PAH: variants seen among roughly 807,000 people sequenced by gnomAD.
The protein encoded by PAH is phenylalanine hydroxylase.
A neutral mutation model predicts 62.0 loss-of-function variants in PAH; 64 were observed. The ratio of observed to expected loss-of-function variants is 1.03; its 90% CI spans 0.84 to 1.27. PAH has a LOEUF of 1.27. PAH is among the 50% of genes most tolerant of loss of function. PAH has a pLI of 0.00. For synonymous variants in PAH, 195 were observed against 196.2 expected (o/e 0.99, Z 0.05); for missense variants, 579 against 542.8 (o/e 1.07, Z -0.66).
intron 4 of PAH, among the ~76,000 whole-genome samples, chr12:102,871,940 AAAAAAAAAAATATATATATAT>A (rs1433982864): frequency 6.9e-4 from 5 of 7,266 alleles, no homozygotes; most frequent in Admixed American, 2.2e-3. Flanking sequence ...AAAAAAAAAA[AAAAAAAAAAATATATATATAT>A]ATATATATAT....
chr12:102,865,758 G>A (rs190334390), intron 5 of PAH, among the ~76,000 whole-genome samples: 3 of 152,196 alleles, frequency 2.0e-5, no homozygotes, highest in East Asian at 1.9e-4. Flanking sequence ...CTCTTTTTCC[G>A]GAGGTTTTTC....
At chr12:102,927,158 C>A (rs1318438068) in intron 1 of PAH, among the ~76,000 whole-genome samples, 6 of 151,950 alleles carry the variant, frequency 3.9e-5, no homozygotes, top group Non-Finnish European at 7.4e-5. Flanking sequence ...CCAAAGTTAT[C>A]AGGGTATGCT....
intron 1 of PAH, among the ~76,000 whole-genome samples, chr12:102,942,412 A>G (rs1373499048): frequency 6.6e-6 from 1 of 152,198 alleles, no homozygotes; most frequent in African/African-American, 2.4e-5. Flanking sequence ...GCTGAAAGAA[A>G]TCAGACACAA....
At chr12:102,868,052 A>G (rs201838921) in intron 4 of PAH, among the ~76,000 whole-genome samples, 79 of 110,832 alleles carry the variant, frequency 7.1e-4, no homozygotes, top group Middle Eastern at 4.6e-3. Context: ...ATATATATGT[A>G]TATATATACA....
In PAH at chr12:102,837,329, A is replaced by T. The variant is rs1305077587; in HGVS notation, c.*1846T>A. ...ATTAAAACATCTTTACTGGACTAAA[A>T]CTCACTCTTCAATATTGTCAAAAAT... On this transcript the variant is annotated 3_prime_UTR_variant, in exon 13 of 13. Coordinates refer to ENST00000553106, the MANE Select transcript of PAH (RefSeq NM_000277.3). 1.3e-5 allele frequency: 2 copies of T among 152,200 alleles called. No individual in the cohort carries two copies. The highest frequency in any genetic ancestry group is 4.8e-5 in the African/African-American group (2 of 41,456). 9.4% of individuals were successfully genotyped at this position (152,200 alleles called of 1,614,324 possible).
At chr12:102,938,684 T>C (rs1879185687) in intron 1 of PAH, among the ~76,000 whole-genome samples, 1 of 152,236 alleles carries the variant, frequency 6.6e-6, no homozygotes, top group Non-Finnish European at 1.5e-5. Flanking sequence ...TAGTTGCTGC[T>C]GCTTGCTGTC....
intron 3 of PAH, among the ~76,000 whole-genome samples, chr12:102,883,281 C>T (rs1379576778): frequency 6.6e-6 from 1 of 152,176 alleles, no homozygotes; most frequent in Non-Finnish European, 1.5e-5. Flanking sequence ...AATGCACAGC[C>T]TCATTTTCCT....
At chr12:102,928,409 G>A (rs1046297086) in intron 1 of PAH, among the ~76,000 whole-genome samples, 1 of 152,106 alleles carries the variant, frequency 6.6e-6, no homozygotes, top group Non-Finnish European at 1.5e-5. Flanking sequence ...AGATATTGTA[G>A]TCTTCTGGGA....
At position 102,899,585 on chromosome 12, in the gene PAH, C is replaced by T. The variant is rs539199634; in HGVS notation, c.169-4667G>A. Among the ~76,000 whole-genome samples the T allele has an allele frequency of 2.6e-5, 4 of 152,066 alleles. No individual in the cohort carries two copies. The South Asian group carries it at 8.3e-4, about 32-fold the overall frequency. On this transcript the variant is annotated intron_variant, in intron 2 of 12. Coordinates refer to ENST00000553106, the MANE Select transcript of PAH (RefSeq NM_000277.3). ...CATTAAAAAGTGAGTAACGGCCGGG[C>T]GCGGTGGCTCACGCCTGTAATCCCA...
chr12:102,845,566 A>C (rs1874800758), intron 9 of PAH, among the ~76,000 whole-genome samples: 1 of 152,236 alleles, frequency 6.6e-6, no homozygotes, highest in Non-Finnish European at 1.5e-5. Flanking sequence ...GTTGGCCTGA[A>C]AAAAAGAATA....
intron 3 of PAH, among the ~76,000 whole-genome samples, chr12:102,891,192 C>T (rs570967329): frequency 1.3e-5 from 2 of 152,314 alleles, no homozygotes; most frequent in African/African-American, 4.8e-5. Context: ...TGTCACAGCA[C>T]CTGTCCCTCT....
At chr12:102,897,492 T>TATATAA (rs1379613102) in intron 2 of PAH, among the ~76,000 whole-genome samples, 103 of 137,456 alleles carry the variant, frequency 7.5e-4, no homozygotes, top group African/African-American at 3.0e-3. Flanking sequence ...TATATATATA[T>TATATAA]AATTCAAACT....
chr12:102,879,044 C>A (rs1465842782), intron 3 of PAH, among the ~76,000 whole-genome samples: 1 of 152,132 alleles, frequency 6.6e-6, no homozygotes, highest in Non-Finnish European at 1.5e-5. Flanking sequence ...AGATGCTGAA[C>A]TTCCAATCAG....
At chr12:102,853,368 A>AT in intron 6 of PAH, 1 of 323,586 alleles carries the variant, frequency 3.1e-6, no homozygotes, top group Non-Finnish European at 6.0e-6. Context: ...CCAGAAGGGA[A>AT]GAGTATGGAT....
chr12:102,927,215 A>G (rs1483694956), intron 1 of PAH, among the ~76,000 whole-genome samples: 3 of 152,026 alleles, frequency 2.0e-5, no homozygotes, highest in Non-Finnish European at 1.5e-5. Flanking sequence ...GGCTGCCAAA[A>G]TGGAAGGCTT....
chr12:102,955,787 T>G (rs1327141361), upstream of PAH, among the ~76,000 whole-genome samples: 3 of 152,144 alleles, frequency 2.0e-5, no homozygotes, highest in African/African-American at 7.2e-5. Context: ...GAGAAAGGCC[T>G]GAGGTGTGAA....
At position 102,929,609 on chromosome 12, in the gene PAH, C is replaced by T. The variant is rs1194164741; in HGVS notation, c.-95-12384G>A. Among the ~76,000 whole-genome samples, 4 of 151,880 alleles carry T rather than the reference C, an allele frequency of 2.6e-5. No individual in the cohort carries two copies. In the South Asian group the frequency reaches 6.2e-4, roughly 24 times the overall value. ...ATCAGAGGTGGCTCCATTAGATGTG[C>T]GTTTTGACAAGACCACTCTGGCTGC... On this transcript the variant is annotated intron_variant, in intron 1 of 3. Transcript: ENST00000546844.
upstream of PAH, among the ~76,000 whole-genome samples, chr12:102,951,449 C>T (rs1565886622): frequency 6.6e-6 from 1 of 152,200 alleles, no homozygotes; most frequent in Non-Finnish European, 1.5e-5. Flanking sequence ...ATCTACATAG[C>T]ACCCTAACTT....
At chr12:102,918,181 TAGTC>T (rs1255907553), upstream of PAH, among the ~76,000 whole-genome samples, 5 of 152,132 alleles carry the variant, frequency 3.3e-5, no homozygotes, top group Admixed American at 6.5e-5. Context: ...GGTCTTCAAA[TAGTC>T]AGGAAGATGC....
Sources: gnomAD v4.1 joint callset for allele counts (sites outside exome capture counted in the v4.1 genomes callset) on GRCh38, gnomAD v4.1.1 for gene constraint, MANE v1.5 for transcripts, NCBI Gene and HGNC (gene_info 2026-07-23, HGNC 2026-07-21) for gene names.